Variants in TMF1 observed in about 807,000 individuals in gnomAD.
The protein encoded by TMF1 is TATA element modulatory factor.
Under a neutral mutation model 126.5 loss-of-function variants are expected in TMF1, and 71 were observed. That is an observed-to-expected ratio of 0.56 (90% CI 0.46 to 0.68). The LOEUF is 0.68. Among genes scored for constraint, TMF1 ranks in the 30% least tolerant of loss-of-function variants. The pLI is 0.00. For synonymous variants in TMF1, 461 were observed against 430.5 expected (o/e 1.07, Z -0.88); for missense variants, 1,259 against 1,253.2 (o/e 1.00, Z -0.07).
At position 69,039,006 on chromosome 3, in the gene TMF1, G is replaced by C. The variant is rs1162887217; in HGVS notation, c.1831C>G (p.Leu611Val). ...TTCTCAACCTCTTCTTTGCCATCAA[G>C]GACCTATATGTTATAAAAACAGACA... ...EEELQHLKQV[L>V]DGKEEVEKQH... The change falls in exon 7 of 17, where the codon CTT becomes GTT. Residue 611 changes from leucine to valine, a missense_variant. Leu to Val is a conservative substitution (Grantham distance 32). Coordinates refer to ENST00000398559, the MANE Select transcript of TMF1 (RefSeq NM_007114.3). 6.4e-7 allele frequency: 1 copy of C among 1,559,700 alleles called. No individual in the cohort carries two copies. The highest frequency in any genetic ancestry group is 2.0e-5 in the Admixed American group (1 of 49,946).
intron 15 of TMF1, 89 bp from the exon 16 acceptor site, chr3:69,024,269 T>G (rs200270972): frequency 1.4e-3 from 236 of 173,754 alleles, no homozygotes; most frequent in Middle Eastern, 5.9e-3. Context: ...GTGTGTGTGG[T>G]TTTTTTTTTT....
At chr3:69,042,968 G>T in intron 4 of TMF1, 56 bp from the exon 5 acceptor site, 1 of 1,245,000 alleles carries the variant, frequency 8.0e-7, no homozygotes, top group Non-Finnish European at 1.2e-6. Flanking sequence ...TCTAAGTACA[G>T]TTCTCATTTC....
Position 69,021,079 on chromosome 3 carries a change from G to A in TMF1, c.*2098C>T, listed in dbSNP as rs2091726714. 1 of 152,170 alleles carries A rather than the reference G, an allele frequency of 6.6e-6. No individual in the cohort carries two copies. Among genetic ancestry groups the A allele is most frequent in the African/African-American group, 2.4e-5 (1 of 41,434 alleles). The allele number at this position is 152,170 out of a possible 1,614,324, so 9.4% of individuals were successfully genotyped here. On this transcript the variant is annotated 3_prime_UTR_variant, in exon 17 of 17. Coordinates refer to ENST00000398559, the MANE Select transcript of TMF1 (RefSeq NM_007114.3). ...ACGGTCAACCACAGTCTGATTACAG[G>A]TGAGTACAGTACAATAAGATATTTT...
In TMF1 at chr3:69,021,237, T is replaced by A. The variant is rs765833089; in HGVS notation, c.*1940A>T. ...AATAGAACTTTATCATAGGTATATA[T>A]GTATAGGAAAAAACAGTGTATAGAG... On this transcript the variant is annotated 3_prime_UTR_variant, in exon 17 of 17. Transcript: ENST00000398559. The A allele has an allele frequency of 6.6e-6, 1 of 152,650 alleles. No individual in the cohort carries two copies. The highest frequency in any genetic ancestry group is 2.4e-5 in the African/African-American group (1 of 41,458). The allele number at this position is 152,650 out of a possible 1,614,324, so 9.5% of individuals were successfully genotyped here.
intron 2 of TMF1, 183 bp from the exon 3 acceptor site, chr3:69,044,778 G>T (rs1223037004): frequency 2.2e-6 from 1 of 464,904 alleles, no homozygotes. Context: ...GAGAGTAAAA[G>T]TAAATACAAC....
intron 11 of TMF1, among the ~76,000 whole-genome samples, chr3:69,028,679 T>C (rs977862066): frequency 4.6e-5 from 7 of 150,856 alleles, no homozygotes; most frequent in African/African-American, 1.7e-4. Context: ...TCATTTTTAC[T>C]TGACATTTTT....
intron 10 of TMF1, chr3:69,030,294 T>C (rs1575810376): frequency 7.7e-6 from 2 of 258,136 alleles, no homozygotes; most frequent in Non-Finnish European, 1.5e-5. Context: ...GACAGCTATA[T>C]GCAAAAAAAC....
chr3:69,037,254 GGAGGCCAAGGCAGGCGGATCAC>G (rs2091837183), intron 8 of TMF1, among the ~76,000 whole-genome samples: 1 of 152,204 alleles, frequency 6.6e-6, no homozygotes, highest in Non-Finnish European at 1.5e-5. Context: ...CCGCACTTTG[GGAGGCCAAGGCAGGCGGATCAC>G]GAGGTCAGGA....
chr3:69,045,962 G>A (rs906827993), intron 2 of TMF1, among the ~76,000 whole-genome samples: 2 of 151,820 alleles, frequency 1.3e-5, no homozygotes, highest in East Asian at 3.9e-4. Context: ...CGGATTAGGT[G>A]GGAGGACTGC....
intron 10 of TMF1, among the ~76,000 whole-genome samples, chr3:69,030,830 C>A (rs2091797343): frequency 6.6e-6 from 1 of 152,130 alleles, no homozygotes; most frequent in Non-Finnish European, 1.5e-5. Context: ...TCTTACACAG[C>A]CACTTTGTAA....
intron 1 of TMF1, 25 bp from the exon 2 acceptor site, chr3:69,048,587 A>T (rs1414432559): frequency 6.6e-7 from 1 of 1,523,104 alleles, no homozygotes; most frequent in Non-Finnish European, 8.8e-7. Flanking sequence ...TAAATATTAA[A>T]AAAGAACACA....
chr3:69,030,788 A>T (rs893014609), intron 10 of TMF1: 1 of 152,200 alleles, frequency 6.6e-6, no homozygotes, highest in Non-Finnish European at 1.5e-5. Flanking sequence ...ACGACATAAA[A>T]TGTTGGCAAG....
intron 3 of TMF1, among the ~76,000 whole-genome samples, 162 bp from the exon 4 acceptor site, chr3:69,044,038 T>C (rs903965134): frequency 1.3e-5 from 2 of 152,200 alleles, no homozygotes; most frequent in Admixed American, 6.5e-5. Flanking sequence ...AAAGGAAATT[T>C]CCCTTGTTAA....
intron 12 of TMF1, 32 bp downstream of exon 12, chr3:69,028,194 C>A: frequency 6.4e-7 from 1 of 1,572,176 alleles, no homozygotes; most frequent in South Asian, 1.1e-5. Flanking sequence ...TAATGTATGC[C>A]CTAAGAGCTG....
chr3:69,029,084 G>C (rs1224191726), intron 11 of TMF1, among the ~76,000 whole-genome samples: 5 of 151,714 alleles, frequency 3.3e-5, no homozygotes, highest in Admixed American at 6.6e-5. Flanking sequence ...TGCTGCCCGG[G>C]CTGGGGTGCA....
At chr3:69,033,792 G>GA in intron 9 of TMF1, 88 bp from the exon 10 acceptor site, 1 of 1,194,700 alleles carries the variant, frequency 8.4e-7, no homozygotes, top group Admixed American at 2.7e-5. Flanking sequence ...GAGGTTCCTG[G>GA]AAAATTATTT....
chr3:69,042,769 T>C, intron 5 of TMF1, 38 bp downstream of exon 5: 1 of 1,516,694 alleles, frequency 6.6e-7, no homozygotes, highest in Non-Finnish European at 9.1e-7. Context: ...TTCCTGTTCT[T>C]ACAGTATTTT....
rs1391298937 is a variant in TMF1 at position 69,022,441 on chromosome 3, T to A, written c.*736A>T. 1 of 152,542 alleles carries A rather than the reference T, an allele frequency of 6.6e-6. No individual in the cohort carries two copies. The highest frequency in any genetic ancestry group is 1.5e-5 in the Non-Finnish European group (1 of 67,982). 9.4% of individuals were successfully genotyped at this position (152,542 alleles called of 1,614,324 possible). A position where few individuals can be genotyped will look rare whatever the true frequency, so the allele number is the denominator to read the frequency against. ...CATTGCAAAATCATTATAAATAAAT[T>A]TTCTCCATTATCCAATCACATCTAG... is the stretch of plus-strand genomic sequence containing the variant. On this transcript the variant is annotated 3_prime_UTR_variant, in exon 17 of 17. Transcript: ENST00000398559.
At position 69,025,589 on chromosome 3, in the gene TMF1, G is replaced by C. The variant is rs1221327421; in HGVS notation, c.2983C>G (p.Leu995Val). The change falls in exon 15 of 17, where the codon CTA becomes GTA. Residue 995 changes from leucine (L) to valine (V), a missense_variant. By Grantham distance (32) the Leu-to-Val change is conservative. Transcript: ENST00000398559. Reference protein sequence around the residue: ...IIENLQSQLKLREGEITHLQL... With the variant: ...IIENLQSQLKVREGEITHLQL... ...AAATGAGTGATTTCCCCTTCCCTTA[G>C]CTTTAGCTGAGACTGTAGGTTTTCA... is the stretch of plus-strand genomic sequence containing the variant. 1 of 1,613,318 alleles carries C rather than the reference G, an allele frequency of 6.2e-7. No individual in the cohort carries two copies. Among genetic ancestry groups the C allele is most frequent in the African/African-American group, 1.3e-5 (1 of 74,860 alleles).
Sources: gnomAD v4.1 joint callset for allele counts (sites outside exome capture counted in the v4.1 genomes callset) on GRCh38, gnomAD v4.1.1 for gene constraint, MANE v1.5 for transcripts, NCBI Gene and HGNC (gene_info 2026-07-23, HGNC 2026-07-21) for gene names.